The following LARP1B variants were observed in gnomAD, a reference collection of about 807,000 sequenced individuals.
The protein encoded by LARP1B is La ribonucleoprotein 1B.
Under a neutral mutation model 114.2 loss-of-function variants are expected in LARP1B, and 76 were observed. That is an observed-to-expected ratio of 0.67 (90% confidence interval 0.55 to 0.81). The LOEUF is 0.81. Among genes scored for constraint, LARP1B ranks in the 30% least tolerant of loss-of-function variants. LARP1B has a pLI of 0.00. For synonymous variants in LARP1B, 345 were observed against 348.0 expected (o/e 0.99, Z 0.10); for missense variants, 1,014 against 1,075.8 (o/e 0.94, Z 0.80).
chr4:128,158,909 C>T (rs1737069037), intron 11 of LARP1B, among the ~76,000 whole-genome samples: 1 of 152,032 alleles, frequency 6.6e-6, no homozygotes, highest in African/African-American at 2.4e-5. Flanking sequence ...GTAGCTCATG[C>T]CTGTAATCCC....
intron 11 of LARP1B, among the ~76,000 whole-genome samples, chr4:128,149,569 A>G (rs1731771233): frequency 6.6e-6 from 1 of 152,238 alleles, no homozygotes; most frequent in African/African-American, 2.4e-5. Context: ...ATCTGTTCAT[A>G]ATACCTTGTG....
chr4:128,074,231 C>T (rs190979088), intron 1 of LARP1B, among the ~76,000 whole-genome samples: 28 of 152,234 alleles, frequency 1.8e-4, no homozygotes, highest in African/African-American at 6.3e-4. Flanking sequence ...TGAGCCACCC[C>T]GCCCGGCAAC....
Position 128,098,763 on chromosome 4 carries a change from ATATATTTTTTTTTT to A in LARP1B, c.813+435_813+448del, listed in dbSNP as rs1276598844. Among the ~76,000 whole-genome samples, 8 of 35,506 alleles carry A rather than the reference ATATATTTTTTTTTT, an allele frequency of 2.3e-4. No homozygotes were observed. In the South Asian group the frequency reaches 6.3e-3, roughly 28 times the overall value. 23.3% of individuals were successfully genotyped at this position (35,506 alleles called of 152,430 possible). A position where few individuals can be genotyped will look rare whatever the true frequency, so the allele number is the denominator to read the frequency against. On this transcript the variant is annotated intron_variant, in intron 8 of 19. Coordinates refer to ENST00000326639, the MANE Select transcript of LARP1B (RefSeq NM_018078.4). ...TATGTATGTGTATATATATATATAT[ATATATTTTTTTTTT>A]TTTTTTTTTTTTTTTTTTAAGACAG...
Position 128,122,062 on chromosome 4 carries a change from A to G in LARP1B, c.1398A>G (p.Arg466=). The change falls in exon 11 of 20, where the codon CGA becomes CGG. Residue 466 remains arginine, a synonymous_variant. Transcript: ENST00000326639. The part of the protein sequence containing the change: ...PYVKKHPGGD[R]TGTHMSRAKI... ...TGAAAAAACATCCTGGAGGAGATCG[A>G]ACAGGCACCCACATGTCTCGGGCAA... is the stretch of plus-strand genomic sequence containing the variant. 1 of 1,614,158 alleles carries G rather than the reference A, an allele frequency of 6.2e-7. No homozygotes were observed. Among genetic ancestry groups the G allele is most frequent in the Non-Finnish European group, 8.5e-7 (1 of 1,180,018 alleles).
At chr4:128,178,772 C>CT in intron 14 of LARP1B, 130 bp downstream of exon 14, 1 of 805,398 alleles carries the variant, frequency 1.2e-6, no homozygotes, top group Non-Finnish European at 1.9e-6. Context: ...AAAAATCATA[C>CT]TTTACCATAG....
intron 12 of LARP1B, among the ~76,000 whole-genome samples, chr4:128,165,039 G>A (rs1740162936): frequency 6.6e-6 from 1 of 152,046 alleles, no homozygotes; most frequent in Non-Finnish European, 1.5e-5. Context: ...TTCATTCAGT[G>A]TAATGCTATT....
intron 11 of LARP1B, among the ~76,000 whole-genome samples, chr4:128,144,996 C>T (rs1729703656): frequency 4.6e-5 from 7 of 152,040 alleles, no homozygotes; most frequent in Admixed American, 4.6e-4. Flanking sequence ...TATTTATTTT[C>T]ACTGCTAGTA....
At chr4:128,180,473 C>T (rs1747965341) in intron 15 of LARP1B, among the ~76,000 whole-genome samples, 1 of 152,088 alleles carries the variant, frequency 6.6e-6, no homozygotes, top group Admixed American at 6.6e-5. Context: ...TTACATTGTT[C>T]TTACTAGCTA....
chr4:128,128,164 G>A (rs1790270214), intron 11 of LARP1B, among the ~76,000 whole-genome samples: 1 of 152,126 alleles, frequency 6.6e-6, no homozygotes, highest in Non-Finnish European at 1.5e-5. Context: ...AGAGGAAAAA[G>A]TATAAAACTC....
intron 12 of LARP1B, among the ~76,000 whole-genome samples, chr4:128,168,124 A>G (rs1035485959): frequency 6.6e-6 from 1 of 152,008 alleles, no homozygotes; most frequent in African/African-American, 2.4e-5. Context: ...CACTTGGGTA[A>G]ATGCTTTTGA....
downstream of LARP1B, among the ~76,000 whole-genome samples, chr4:128,212,840 A>T (rs900432661): frequency 4.0e-5 from 6 of 150,854 alleles, no homozygotes; most frequent in Non-Finnish European, 3.0e-5. Flanking sequence ...GCTTCCCTAC[A>T]TCCTTATCAA....
At chr4:128,193,447 T>A (rs1414917774) in intron 15 of LARP1B, among the ~76,000 whole-genome samples, 2 of 152,164 alleles carry the variant, frequency 1.3e-5, no homozygotes, top group Non-Finnish European at 2.9e-5. Context: ...TATGGCTTTT[T>A]AAATTGTTAG....
intron 12 of LARP1B, 51 bp downstream of exon 12, chr4:128,162,368 T>G: frequency 6.7e-7 from 1 of 1,486,192 alleles, no homozygotes; most frequent in Non-Finnish European, 9.1e-7. Flanking sequence ...AAAGCAGTTC[T>G]GAATTGTTTT....
At chr4:128,061,596 C>T (rs372435409) in intron 1 of LARP1B, 195 bp downstream of exon 1, 162 of 820,796 alleles carry the variant, frequency 2.0e-4, no homozygotes, top group East Asian at 1.7e-3. Flanking sequence ...GGTTGTCTGT[C>T]CCCAGTTGGA....
chr4:128,132,243 GATT>G (rs915650612), intron 11 of LARP1B, among the ~76,000 whole-genome samples: 8 of 151,990 alleles, frequency 5.3e-5, no homozygotes, highest in African/African-American at 1.4e-4. Context: ...ATTTGTTTTT[GATT>G]ATTATTATTG....
At chr4:128,193,646 C>T (rs184755756) in intron 15 of LARP1B, among the ~76,000 whole-genome samples, 150 of 151,928 alleles carry the variant, frequency 9.9e-4, no homozygotes, top group African/African-American at 3.3e-3. Flanking sequence ...GACAGAGTTT[C>T]GCTCTCGTTG....
chr4:128,120,397 G>T (rs1787488057), intron 10 of LARP1B, among the ~76,000 whole-genome samples: 1 of 151,716 alleles, frequency 6.6e-6, no homozygotes. Context: ...CATGTTATAA[G>T]ATCTAGGATC....
upstream of LARP1B, among the ~76,000 whole-genome samples, chr4:128,060,938 A>T (rs1759923157): frequency 6.6e-6 from 1 of 152,162 alleles, no homozygotes; most frequent in Non-Finnish European, 1.5e-5. Context: ...CCTAAGGGCA[A>T]ATCGAGCGCT....
intron 11 of LARP1B, among the ~76,000 whole-genome samples, chr4:128,141,370 C>G (rs1561384363): frequency 6.6e-6 from 1 of 152,122 alleles, no homozygotes; most frequent in Non-Finnish European, 1.5e-5. Flanking sequence ...TAATTTGTAT[C>G]TACAGAATAA....
Sources: gnomAD v4.1 joint callset for allele counts (sites outside exome capture counted in the v4.1 genomes callset) on GRCh38, gnomAD v4.1.1 for gene constraint, MANE v1.5 for transcripts, NCBI Gene and HGNC (gene_info 2026-07-23, HGNC 2026-07-21) for gene names.